Variants in NLK observed in about 807,000 individuals in gnomAD.
NLK encodes the protein nemo like kinase.
A neutral mutation model predicts 59.0 loss-of-function variants in NLK; 11 were observed. That is an observed-to-expected ratio of 0.19 (90% CI 0.12 to 0.31). NLK has a LOEUF of 0.31. Among genes scored for constraint, NLK ranks in the 10% least tolerant of loss-of-function variants. NLK has a pLI of 1.00. For missense variants in NLK, 410 were observed against 661.1 expected, an observed-to-expected ratio of 0.62 and a Z score of 4.16; for synonymous variants, 235 against 235.9, an observed-to-expected ratio of 1.00 and a Z score of 0.03.
chr17:28,065,804 T>C (rs767106972), intron 1 of NLK, among the ~76,000 whole-genome samples: 4 of 152,196 alleles, frequency 2.6e-5, no homozygotes, highest in Admixed American at 6.5e-5. Context: ...TGGTTCATGG[T>C]ATATAACCTT....
At chr17:28,194,380 A>G (rs1909412802) in intron 10 of NLK, among the ~76,000 whole-genome samples, 1 of 152,236 alleles carries the variant, frequency 6.6e-6, no homozygotes, top group Non-Finnish European at 1.5e-5. Flanking sequence ...CCTACATATT[A>G]GCCACTATAC....
intron 4 of NLK, among the ~76,000 whole-genome samples, chr17:28,162,624 G>A (rs1189751309): frequency 1.3e-5 from 2 of 152,100 alleles, no homozygotes; most frequent in Non-Finnish European, 2.9e-5. Context: ...GCAACAGAGT[G>A]AGACTCCGTC....
chr17:28,099,166 C>T (rs756421167), intron 1 of NLK, among the ~76,000 whole-genome samples: 1 of 152,026 alleles, frequency 6.6e-6, no homozygotes, highest in African/African-American at 2.4e-5. Flanking sequence ...CTTGCCAAGT[C>T]TATGAGAAAA....
intron 3 of NLK, among the ~76,000 whole-genome samples, chr17:28,159,728 A>G (rs1010802742): frequency 2.0e-5 from 3 of 152,226 alleles, no homozygotes; most frequent in African/African-American, 7.2e-5. Context: ...TATATTTTCT[A>G]TATAATAAAG....
chr17:28,050,745 A>G (rs1022215575), intron 1 of NLK, among the ~76,000 whole-genome samples: 21 of 152,158 alleles, frequency 1.4e-4, no homozygotes, highest in African/African-American at 4.3e-4. Flanking sequence ...TGTGTTCACA[A>G]TGATTGACAA....
At chr17:28,173,248 T>A (rs990101870) in intron 7 of NLK, among the ~76,000 whole-genome samples, 1 of 152,158 alleles carries the variant, frequency 6.6e-6, no homozygotes, top group African/African-American at 2.4e-5. Context: ...GAAGAGTGAA[T>A]AAGGGGAATA....
chr17:28,048,846 A>T (rs1238942055), intron 1 of NLK: 1 of 152,204 alleles, frequency 6.6e-6, no homozygotes, highest in Non-Finnish European at 1.5e-5. Context: ...GGTTTCTTTG[A>T]TGGAGATTGT....
At position 28,159,071 on chromosome 17, in the gene NLK, C is replaced by T. The variant is rs982932220; in HGVS notation, c.645-2089C>T. 3.3e-5 allele frequency among the ~76,000 whole-genome samples: 5 copies of T among 151,930 alleles called. No individual in the cohort carries two copies. In the East Asian group the frequency reaches 5.8e-4, roughly 18 times the overall value. On this transcript the variant is annotated intron_variant, in intron 3 of 10. Transcript: ENST00000407008. Reference sequence around the variant, plus strand: ...AAAATTTGAGCAAAACCACAAAGGACGTGAAAGAGTTAACCAAATAGATGT... The same window carrying T: ...AAAATTTGAGCAAAACCACAAAGGATGTGAAAGAGTTAACCAAATAGATGT...
chr17:28,117,344 A>G (rs933747238), intron 1 of NLK, among the ~76,000 whole-genome samples: 2 of 152,222 alleles, frequency 1.3e-5, no homozygotes, highest in African/African-American at 4.8e-5. Flanking sequence ...GGGTCTTAAG[A>G]GTTAGGTTTC....
intron 1 of NLK, among the ~76,000 whole-genome samples, chr17:28,067,955 A>T (rs942031631): frequency 2.0e-5 from 3 of 151,942 alleles, no homozygotes; most frequent in Non-Finnish European, 4.4e-5. Flanking sequence ...AGCCTGGCCA[A>T]CATGGTGAAA....
At chr17:28,053,025 C>T (rs371068980) in intron 1 of NLK, among the ~76,000 whole-genome samples, 3 of 151,744 alleles carry the variant, frequency 2.0e-5, no homozygotes, top group East Asian at 1.9e-4. Context: ...GTTTGCCCAC[C>T]TTGACCTCCC....
intron 1 of NLK, among the ~76,000 whole-genome samples, chr17:28,056,829 A>T (rs1237293585): frequency 1.3e-5 from 2 of 151,376 alleles, no homozygotes; most frequent in African/African-American, 4.9e-5. Context: ...TCATTCCCCT[A>T]CCTATTTTTT....
chr17:28,147,823 T>C (rs112012665), intron 3 of NLK, among the ~76,000 whole-genome samples: 4 of 152,324 alleles, frequency 2.6e-5, no homozygotes, highest in African/African-American at 9.6e-5. Flanking sequence ...GTGCTGCTTG[T>C]TATATTTGGG....
chr17:28,060,167 CA>C (rs1306822283), intron 1 of NLK, among the ~76,000 whole-genome samples: 1 of 151,812 alleles, frequency 6.6e-6, no homozygotes, highest in Non-Finnish European at 1.5e-5. Context: ...TCATTATATA[CA>C]AAAATGAAGT....
At chr17:28,171,119 T>G (rs757302565) in intron 6 of NLK, 1 of 152,196 alleles carries the variant, frequency 6.6e-6, no homozygotes, top group Non-Finnish European at 1.5e-5. Flanking sequence ...AGTCATTTCC[T>G]TCTGCCTTTA....
intron 1 of NLK, 52 bp from the exon 2 acceptor site, chr17:28,122,551 G>A: frequency 3.1e-6 from 5 of 1,598,442 alleles, no homozygotes; most frequent in Non-Finnish European, 4.3e-6. Context: ...ACAAGGTGTG[G>A]AACTGATTTC....
At chr17:28,057,932 G>A (rs1909497255) in intron 1 of NLK, among the ~76,000 whole-genome samples, 1 of 152,230 alleles carries the variant, frequency 6.6e-6, no homozygotes, top group South Asian at 2.1e-4. Flanking sequence ...AATCATCACT[G>A]TGTCAACTGT....
chr17:28,109,094 C>T (rs1461705820), intron 1 of NLK, among the ~76,000 whole-genome samples: 1 of 152,016 alleles, frequency 6.6e-6, no homozygotes, highest in Non-Finnish European at 1.5e-5. Flanking sequence ...TGGCATGAAC[C>T]TGGGAGGCGG....
At chr17:28,104,908 A>C (rs1387149913) in intron 1 of NLK, among the ~76,000 whole-genome samples, 1 of 152,074 alleles carries the variant, frequency 6.6e-6, no homozygotes, top group Admixed American at 6.5e-5. Context: ...TCCTAGTTCT[A>C]AATCCATTTT....
Sources: gnomAD v4.1 joint callset for allele counts (sites outside exome capture counted in the v4.1 genomes callset) on GRCh38, gnomAD v4.1.1 for gene constraint, MANE v1.5 for transcripts, NCBI Gene and HGNC (gene_info 2026-07-23, HGNC 2026-07-21) for gene names.